The following AGMO variants were observed in gnomAD, a reference collection of about 807,000 sequenced individuals.
AGMO encodes the protein glyceryl-ether monooxygenase.
AGMO carries 75 observed loss-of-function variants against 60.2 expected under a neutral mutation model. The ratio of observed to expected loss-of-function variants is 1.25; its 90% CI spans 1.03 to 1.51. The LOEUF is 1.51. Among genes scored for constraint, AGMO ranks in the 40% most tolerant of loss-of-function variants. The probability of loss-of-function intolerance (pLI) is 0.00; values close to 1 mark genes in which losing one functional copy is unlikely to be tolerated. For synonymous variants in AGMO, 261 were observed against 177.1 expected, an observed-to-expected ratio of 1.47 and a Z score of -3.76; for missense variants, 763 against 525.5, an observed-to-expected ratio of 1.45 and a Z score of -4.42.
At chr7:15,191,277 A>C in the AGMO span, among the ~76,000 whole-genome samples, 1 of 152,206 alleles carries the variant, frequency 6.6e-6, no homozygotes, top group East Asian at 1.9e-4. Context: ...AAGTAACACG[A>C]TATCTTGCTA....
At chr7:15,466,651 T>C (rs79587773) in intron 3 of AGMO, among the ~76,000 whole-genome samples, 8,097 of 152,236 alleles carry the variant, frequency 0.053, 308 homozygotes, top group African/African-American at 0.11. Flanking sequence ...CTGGGTGACA[T>C]TGAATTCTCT....
Position 15,201,237 on chromosome 7 carries a change from T to G in AGMO, c.*48A>C, listed in dbSNP as rs1308721685. 1 of 1,246,996 alleles carries G rather than the reference T, an allele frequency of 8.0e-7. No individual in the cohort carries two copies. The highest frequency in any genetic ancestry group is 1.1e-6 in the Non-Finnish European group (1 of 874,418). The allele number at this position is 1,246,996 out of a possible 1,614,324, so 77.2% of individuals were successfully genotyped here. ...TACATTTTAATATGCAGTCATAATA[T>G]GCGTGTGGACAACTCATTAAAAGAA... On this transcript the variant is annotated 3_prime_UTR_variant, in exon 13 of 13. Transcript: ENST00000342526.
At chr7:15,464,691 T>C (rs1175569148) in intron 3 of AGMO, among the ~76,000 whole-genome samples, 3 of 152,186 alleles carry the variant, frequency 2.0e-5, no homozygotes, top group South Asian at 2.1e-4. Context: ...TGTCATAACA[T>C]TGCTTGTAGA....
intron 12 of AGMO, among the ~76,000 whole-genome samples, chr7:15,263,635 C>A (rs1444125903): frequency 6.6e-6 from 1 of 152,058 alleles, no homozygotes; most frequent in Non-Finnish European, 1.5e-5. Context: ...TTTATAGCAG[C>A]ACAATTTGCA....
intron 12 of AGMO, among the ~76,000 whole-genome samples, chr7:15,291,478 A>T (rs902337600): frequency 2.6e-5 from 4 of 152,166 alleles, no homozygotes; most frequent in East Asian, 1.9e-4. Context: ...GAAATTTTTT[A>T]AATTTGGAAA....
At chr7:15,508,325 A>C (rs1992025) in intron 3 of AGMO, among the ~76,000 whole-genome samples, 119,232 of 151,998 alleles carry the variant, frequency 0.78, 46,949 homozygotes, top group East Asian at 0.97. Flanking sequence ...AGTAAAAACA[A>C]TAACTTACAT....
chr7:15,319,145 G>C (rs1052470794), intron 12 of AGMO, among the ~76,000 whole-genome samples: 1 of 152,030 alleles, frequency 6.6e-6, no homozygotes, highest in Admixed American at 6.6e-5. Context: ...CCTCAGCATA[G>C]GTTTTATTTT....
At chr7:15,559,210 G>T (rs924348723) in intron 2 of AGMO, among the ~76,000 whole-genome samples, 1 of 152,020 alleles carries the variant, frequency 6.6e-6, no homozygotes, top group Non-Finnish European at 1.5e-5. Context: ...GAAACTACAT[G>T]CAACAGACAT....
intron 3 of AGMO, among the ~76,000 whole-genome samples, chr7:15,445,472 T>C (rs1562511009): frequency 6.6e-6 from 1 of 152,146 alleles, no homozygotes; most frequent in South Asian, 2.1e-4. Context: ...CCCATCCCCC[T>C]ATATGCTATT....
intron 10 of AGMO, among the ~76,000 whole-genome samples, chr7:15,380,342 C>G (rs10246063): frequency 0.23 from 35,379 of 152,018 alleles, 4,827 homozygotes; most frequent in African/African-American, 0.38. Flanking sequence ...ATGCAAAAAT[C>G]ACTGGCATTT....
chr7:15,270,066 A>G (rs1033000359), intron 12 of AGMO, among the ~76,000 whole-genome samples: 1 of 152,064 alleles, frequency 6.6e-6, no homozygotes, highest in Non-Finnish European at 1.5e-5. Context: ...ATGCCGCAAA[A>G]AAGATATAAA....
chr7:15,207,177 T>C (rs1781461291), intron 12 of AGMO, among the ~76,000 whole-genome samples: 1 of 152,182 alleles, frequency 6.6e-6, no homozygotes, highest in Middle Eastern at 3.2e-3. Context: ...CTCCAGAGCC[T>C]ACCCATAATT....
intron 5 of AGMO, among the ~76,000 whole-genome samples, chr7:15,411,363 TGAAGCACAA>T (rs1780599339): frequency 6.6e-6 from 1 of 151,572 alleles, no homozygotes; most frequent in South Asian, 2.1e-4. Flanking sequence ...AGGAGGAAAC[TGAAGCACAA>T]GAAGGTAAAG....
chr7:15,197,330 G>A (rs1432298643), downstream of AGMO, among the ~76,000 whole-genome samples: 1 of 152,060 alleles, frequency 6.6e-6, no homozygotes, highest in Non-Finnish European at 1.5e-5. Context: ...TGATTCTATT[G>A]CAGATTCCAC....
chr7:15,126,236 T>C, the AGMO span, among the ~76,000 whole-genome samples: 4 of 152,146 alleles, frequency 2.6e-5, no homozygotes, highest in Non-Finnish European at 4.4e-5. Flanking sequence ...GTCTGTTTTT[T>C]ATATAAAGCC....
At chr7:15,266,640 G>A (rs1319154956) in intron 12 of AGMO, among the ~76,000 whole-genome samples, 1 of 151,542 alleles carries the variant, frequency 6.6e-6, no homozygotes, top group Non-Finnish European at 1.5e-5. Flanking sequence ...AAGGCTGAGA[G>A]GGAGATACAA....
intron 3 of AGMO, among the ~76,000 whole-genome samples, chr7:15,474,151 A>G (rs929050580): frequency 1.3e-5 from 2 of 152,204 alleles, no homozygotes. Context: ...ATTCAATGCT[A>G]TCCCCTTCAA....
At chr7:15,383,664 T>G (rs1298012484) in intron 10 of AGMO, among the ~76,000 whole-genome samples, 2 of 152,152 alleles carry the variant, frequency 1.3e-5, no homozygotes, top group Non-Finnish European at 2.9e-5. Flanking sequence ...TATTATTTAT[T>G]AATTTCTTTT....
the AGMO span, among the ~76,000 whole-genome samples, chr7:15,131,756 T>TC: frequency 1.4e-5 from 1 of 70,664 alleles, no homozygotes; most frequent in Non-Finnish European, 2.9e-5. Flanking sequence ...CCAAAGAAAT[T>TC]AACACACACA....
Sources: gnomAD v4.1 joint callset for allele counts (sites outside exome capture counted in the v4.1 genomes callset) on GRCh38, gnomAD v4.1.1 for gene constraint, MANE v1.5 for transcripts, NCBI Gene and HGNC (gene_info 2026-07-23, HGNC 2026-07-21) for gene names.